GLYATL2: variants seen among roughly 807,000 people sequenced by gnomAD.
GLYATL2 encodes the protein glycine N-acyltransferase-like protein 2.
In GLYATL2, 25 loss-of-function variants were observed where a neutral mutation model predicts 21.4. The ratio of observed to expected loss-of-function variants is 1.17; its 90% CI spans 0.85 to 1.63. The LOEUF (loss-of-function observed/expected upper bound fraction) is 1.63, where lower values mean the gene tolerates loss of function less well. GLYATL2 is among the 40% of genes most tolerant of loss of function. GLYATL2 has a pLI of 0.00. For synonymous variants in GLYATL2, 114 were observed against 118.2 expected, an observed-to-expected ratio of 0.96 and a Z score of 0.23; for missense variants, 361 against 343.3, an observed-to-expected ratio of 1.05 and a Z score of -0.41.
At chr11:58,840,462 G>T (rs1853526451) in intron 1 of GLYATL2, among the ~76,000 whole-genome samples, 1 of 152,132 alleles carries the variant, frequency 6.6e-6, no homozygotes, top group African/African-American at 2.4e-5. Context: ...CTATCAAAAT[G>T]ATGTCTTTGA....
At chr11:58,886,085 A>G (rs762163664) in intron 1 of GLYATL2, among the ~76,000 whole-genome samples, 6 of 152,138 alleles carry the variant, frequency 3.9e-5, no homozygotes, top group Admixed American at 1.3e-4. Flanking sequence ...GCATGGTGGT[A>G]CATGTTTATA....
rs1260816890 is a variant in GLYATL2, at chr11:58,876,848, T to A, written n.60+27308A>T. Among the ~76,000 whole-genome samples, 3 of 152,258 alleles carry A rather than the reference T, an allele frequency of 2.0e-5. No homozygotes were observed. The East Asian group carries it at 5.8e-4, about 29-fold the overall frequency. On this transcript the variant is annotated intron_variant and non_coding_transcript_variant, in intron 1 of 4. Transcript: ENST00000533636. ...CAAGGACATTTAAGTCTGCAGAGGT[T>A]ATTGCTGTCTTTTGTTTTTCTGTGT...
At chr11:58,908,445 T>A (rs986834799), upstream of GLYATL2, 4 of 179,570 alleles carry the variant, frequency 2.2e-5, no homozygotes, top group African/African-American at 9.5e-5. Flanking sequence ...TAGAAGTTAG[T>A]TATATTGTCT....
chr11:58,908,697 G>A (rs571409789), upstream of GLYATL2: 1 of 152,370 alleles, frequency 6.6e-6, no homozygotes, highest in Non-Finnish European at 1.5e-5. Flanking sequence ...ATACACATAA[G>A]TGCTTGTGTA....
chr11:58,838,871 C>T (rs949305453), intron 2 of GLYATL2, among the ~76,000 whole-genome samples: 1 of 151,976 alleles, frequency 6.6e-6, no homozygotes, highest in Non-Finnish European at 1.5e-5. Flanking sequence ...CACTACCTGT[C>T]TAGGAAGTGA....
chr11:58,890,068 A>G (rs1279688181), intron 1 of GLYATL2, among the ~76,000 whole-genome samples: 3 of 151,950 alleles, frequency 2.0e-5, no homozygotes, highest in Non-Finnish European at 4.4e-5. Flanking sequence ...GTGAGCATAT[A>G]CCCAATAGTT....
chr11:58,906,777 A>C (rs1195823483), upstream of GLYATL2, among the ~76,000 whole-genome samples: 1 of 152,208 alleles, frequency 6.6e-6, no homozygotes, highest in Non-Finnish European at 1.5e-5. Flanking sequence ...CTGCAAGCAC[A>C]GGTTACCTTC....
upstream of GLYATL2, among the ~76,000 whole-genome samples, chr11:58,845,509 G>A (rs1853627232): frequency 6.6e-6 from 1 of 152,036 alleles, no homozygotes. Flanking sequence ...AGACTGAGAT[G>A]GAAAGATTAC....
intron 1 of GLYATL2, among the ~76,000 whole-genome samples, chr11:58,866,010 G>C (rs955353115): frequency 6.0e-5 from 9 of 148,912 alleles, no homozygotes; most frequent in Admixed American, 2.8e-4. Flanking sequence ...CCCCAGCCAA[G>C]AAAGCATGTC....
chr11:58,843,659 A>G (rs1344957732), intron 1 of GLYATL2, among the ~76,000 whole-genome samples: 1 of 152,228 alleles, frequency 6.6e-6, no homozygotes, highest in Non-Finnish European at 1.5e-5. Flanking sequence ...AAGTAAGAAA[A>G]TATAGAAAAA....
rs190649937 is a variant in GLYATL2 at position 58,834,262 on chromosome 11, G to A, written c.*167C>T. ...CATAAAATTGAGCTTCTAATTTTCT[G>A]TAAGAATACAGAGGAGAAGGAAGGT... On this transcript the variant is annotated 3_prime_UTR_variant, in exon 6 of 6. Transcript: ENST00000287275. 3 of 472,160 alleles carry A rather than the reference G, an allele frequency of 6.4e-6. No individual in the cohort carries two copies. Among genetic ancestry groups the A allele is most frequent in the East Asian group, 6.8e-5 (2 of 29,508 alleles). 29.2% of individuals were successfully genotyped at this position (472,160 alleles called of 1,614,324 possible). A position where few individuals can be genotyped will look rare whatever the true frequency, so the allele number is the denominator to read the frequency against.
upstream of GLYATL2, among the ~76,000 whole-genome samples, chr11:58,849,010 A>C (rs150056634): frequency 6.6e-6 from 1 of 152,318 alleles, no homozygotes; most frequent in African/African-American, 2.4e-5. Flanking sequence ...CAGATTTTTC[A>C]GTGGAAACCT....
intron 1 of GLYATL2, among the ~76,000 whole-genome samples, chr11:58,902,072 G>T (rs1003188490): frequency 6.6e-6 from 1 of 152,158 alleles, no homozygotes; most frequent in Non-Finnish European, 1.5e-5. Flanking sequence ...GGACTACGGG[G>T]TCTATATGGG....
chr11:58,842,262 G>A (rs1419454548), intron 1 of GLYATL2, among the ~76,000 whole-genome samples: 1 of 151,972 alleles, frequency 6.6e-6, no homozygotes, highest in African/African-American at 2.4e-5. Flanking sequence ...TGAAAAGTCA[G>A]AAAAAAAATT....
intron 1 of GLYATL2, among the ~76,000 whole-genome samples, chr11:58,887,310 C>G (rs7116544): frequency 0.87 from 132,230 of 152,132 alleles, 58,759 homozygotes; most frequent in Non-Finnish European, 0.96. Context: ...TTCATCTAGT[C>G]TGATTCCATA....
chr11:58,885,089 C>G, intron 1 of GLYATL2: 1 of 153,196 alleles, frequency 6.5e-6, no homozygotes. Context: ...GTGCCTTTAC[C>G]TTTGGTCTTT....
At chr11:58,834,984 C>T (rs1297908058) in intron 5 of GLYATL2, 147 bp from the exon 6 acceptor site, 7 of 609,624 alleles carry the variant, frequency 1.1e-5, no homozygotes, top group South Asian at 4.6e-5. Flanking sequence ...TTTCTATTTC[C>T]GCTTCAAAAT....
At chr11:58,849,209 A>C (rs1853695625), upstream of GLYATL2, among the ~76,000 whole-genome samples, 1 of 152,246 alleles carries the variant, frequency 6.6e-6, no homozygotes, top group Non-Finnish European at 1.5e-5. Context: ...TTGAGAAAGA[A>C]AGGAACATTA....
intron 1 of GLYATL2, among the ~76,000 whole-genome samples, chr11:58,859,673 C>T (rs1403984077): frequency 6.6e-6 from 1 of 152,044 alleles, no homozygotes; most frequent in Non-Finnish European, 1.5e-5. Context: ...TTTAGGAATT[C>T]CATCCAAAAA....
Sources: gnomAD v4.1 joint callset for allele counts (sites outside exome capture counted in the v4.1 genomes callset) on GRCh38, gnomAD v4.1.1 for gene constraint, MANE v1.5 for transcripts, NCBI Gene and HGNC (gene_info 2026-07-23, HGNC 2026-07-21) for gene names.